The following MAP2 variants were observed in gnomAD, a reference collection of about 807,000 sequenced individuals.
MAP2 encodes the protein microtubule-associated protein 2.
In MAP2, 14 loss-of-function variants were observed where a neutral mutation model predicts 137.6. The observed-to-expected ratio is 0.10, with a 90% CI of 0.07 to 0.16. The LOEUF is 0.16. MAP2 is among the 10% of genes least tolerant of loss of function. The pLI is 1.00. For missense variants in MAP2, 2,088 were observed against 2,191.5 expected, an observed-to-expected ratio of 0.95 and a Z score of 0.94; for synonymous variants, 786 against 782.3, an observed-to-expected ratio of 1.00 and a Z score of -0.08.
At chr2:209,719,700 C>T (rs530610242) in intron 13 of MAP2, among the ~76,000 whole-genome samples, 1 of 152,158 alleles carries the variant, frequency 6.6e-6, no homozygotes, top group African/African-American at 2.4e-5. Flanking sequence ...TAAAGTCACA[C>T]AAGGAATATC....
chr2:209,544,937 C>A (rs1218861344), intron 2 of MAP2, among the ~76,000 whole-genome samples: 1 of 152,086 alleles, frequency 6.6e-6, no homozygotes, highest in Non-Finnish European at 1.5e-5. Flanking sequence ...CCTGAATATT[C>A]TTCTTCTGGC....
chr2:209,723,960 C>G (rs982167484), intron 13 of MAP2, among the ~76,000 whole-genome samples: 2 of 152,200 alleles, frequency 1.3e-5, no homozygotes, highest in African/African-American at 4.8e-5. Context: ...GGCAAAACCA[C>G]TTCACTTGCC....
rs558520119 is a variant in MAP2, at chr2:209,633,517, A to G, written c.-30+8388A>G. ...AATAGTTGTTACTAAGTTATGAGTAAAATAATGAGTACGTGATAAGTAAAT... is the reference window on the plus strand; with the variant it reads ...AATAGTTGTTACTAAGTTATGAGTAGAATAATGAGTACGTGATAAGTAAAT... On this transcript the variant is annotated intron_variant, in intron 4 of 15. Coordinates refer to ENST00000682079, the MANE Select transcript of MAP2 (RefSeq NM_001375505.1). Among the ~76,000 whole-genome samples, 3 of 152,318 alleles carry G rather than the reference A, an allele frequency of 2.0e-5. No homozygotes were observed. In the South Asian group the frequency reaches 6.2e-4, roughly 32 times the overall value.
chr2:209,634,441 C>G (rs1291938642), intron 4 of MAP2, among the ~76,000 whole-genome samples: 1 of 152,092 alleles, frequency 6.6e-6, no homozygotes, highest in East Asian at 1.9e-4. Context: ...CAGACTTCTT[C>G]CATGTGTGGC....
At chr2:209,619,725 T>A (rs1242285533) in intron 3 of MAP2, among the ~76,000 whole-genome samples, 2 of 152,100 alleles carry the variant, frequency 1.3e-5, no homozygotes, top group African/African-American at 4.8e-5. Context: ...TCACCAGGCA[T>A]TGTTATTTAT....
At chr2:209,427,405 T>C (rs1692869071) in intron 1 of MAP2, among the ~76,000 whole-genome samples, 1 of 152,228 alleles carries the variant, frequency 6.6e-6, no homozygotes, top group Non-Finnish European at 1.5e-5. Context: ...TTGAGTCATA[T>C]CTGATTCTCT....
At chr2:209,602,174 G>A (rs2083208670) in intron 3 of MAP2, among the ~76,000 whole-genome samples, 1 of 152,134 alleles carries the variant, frequency 6.6e-6, no homozygotes, top group Non-Finnish European at 1.5e-5. Context: ...ACTCAACTAT[G>A]CATATTCTTT....
intron 1 of MAP2, among the ~76,000 whole-genome samples, chr2:209,505,127 A>G (rs1195447734): frequency 6.6e-6 from 1 of 152,204 alleles, no homozygotes; most frequent in Non-Finnish European, 1.5e-5. Flanking sequence ...AACAAAAAAT[A>G]AACAACAAGA....
At chr2:209,656,014 C>T (rs185700118) in intron 5 of MAP2, among the ~76,000 whole-genome samples, 2 of 152,228 alleles carry the variant, frequency 1.3e-5, no homozygotes, top group East Asian at 1.9e-4. Context: ...AAAATGCAAT[C>T]GTCATCTTCT....
intron 1 of MAP2, among the ~76,000 whole-genome samples, chr2:209,483,810 C>T (rs1045964092): frequency 6.6e-6 from 1 of 152,154 alleles, no homozygotes; most frequent in Non-Finnish European, 1.5e-5. Context: ...AAAGAGCACA[C>T]ACCATTTACT....
intron 12 of MAP2, among the ~76,000 whole-genome samples, chr2:209,708,055 C>T (rs1229012609): frequency 6.6e-6 from 1 of 152,136 alleles, no homozygotes; most frequent in African/African-American, 2.4e-5. Flanking sequence ...GCAAAAAATA[C>T]AGGGATGATC....
At chr2:209,572,529 G>C (rs1167062850) in intron 2 of MAP2, among the ~76,000 whole-genome samples, 1 of 152,080 alleles carries the variant, frequency 6.6e-6, no homozygotes, top group Non-Finnish European at 1.5e-5. Flanking sequence ...TTTTAAGTAA[G>C]TTAATAGCCC....
chr2:209,697,980 C>T (rs2060691034), intron 10 of MAP2, among the ~76,000 whole-genome samples: 1 of 151,440 alleles, frequency 6.6e-6, no homozygotes, highest in Admixed American at 6.6e-5. Context: ...TCCGGAGTAG[C>T]TGGGATTACA....
intron 7 of MAP2, among the ~76,000 whole-genome samples, chr2:209,691,529 G>A (rs1000872085): frequency 3.3e-5 from 5 of 152,084 alleles, no homozygotes; most frequent in Non-Finnish European, 7.4e-5. Context: ...CCATACACTT[G>A]CTCTTTTAGA....
chr2:209,553,919 C>T (rs1337225988), intron 2 of MAP2, among the ~76,000 whole-genome samples: 1 of 152,282 alleles, frequency 6.6e-6, no homozygotes, highest in Admixed American at 6.5e-5. Flanking sequence ...GTAAATACTA[C>T]TCCTGTGGCC....
chr2:209,729,513 C>G (rs2075316034), intron 14 of MAP2, among the ~76,000 whole-genome samples: 2 of 151,984 alleles, frequency 1.3e-5, no homozygotes, highest in African/African-American at 4.8e-5. Flanking sequence ...AGAAAGGATT[C>G]AAATAAGATA....
At chr2:209,653,455 C>T (rs753449488) in intron 5 of MAP2, 23 bp downstream of exon 5, 3 of 1,558,488 alleles carry the variant, frequency 1.9e-6, no homozygotes, top group Non-Finnish European at 2.6e-6. Context: ...TCTACTGTCA[C>T]CAAGTGCTTG....
intron 5 of MAP2, among the ~76,000 whole-genome samples, chr2:209,659,810 G>A (rs1262883890): frequency 1.3e-5 from 2 of 151,522 alleles, no homozygotes; most frequent in South Asian, 2.1e-4. Flanking sequence ...AGGCCGAGGC[G>A]GGTGGATCAC....
chr2:209,489,735 A>C (rs2058836811), intron 1 of MAP2, among the ~76,000 whole-genome samples: 1 of 152,172 alleles, frequency 6.6e-6, no homozygotes, highest in Non-Finnish European at 1.5e-5. Flanking sequence ...TGAAGACAAG[A>C]TTAGAGAAAA....
Sources: allele counts gnomAD v4.1 joint callset (sites outside exome capture counted in the v4.1 genomes callset), GRCh38; gene constraint gnomAD v4.1.1; transcripts MANE v1.5; gene names NCBI Gene and HGNC (gene_info 2026-07-23, HGNC 2026-07-21).